USP44: variants seen among roughly 807,000 people sequenced by gnomAD.
USP44 encodes ubiquitin carboxyl-terminal hydrolase 44.
Under a neutral mutation model 69.0 loss-of-function variants are expected in USP44, and 61 were observed. That is an observed-to-expected ratio of 0.88 (90% CI 0.72 to 1.09). USP44 has a LOEUF of 1.09. Among genes scored for constraint, USP44 ranks in the 50% least tolerant of loss-of-function variants. USP44 has a pLI of 0.00. For synonymous variants in USP44, 297 were observed against 295.4 expected (o/e 1.01, Z -0.06); for missense variants, 753 against 849.9 (o/e 0.89, Z 1.42).
In USP44 at chr12:95,538,885, C is replaced by G. The variant is rs1047192885; in HGVS notation, c.-70-4559G>C. 2.0e-5 allele frequency among the ~76,000 whole-genome samples: 3 copies of G among 152,236 alleles called. No individual in the cohort carries two copies. In the East Asian group the frequency reaches 5.8e-4, roughly 29 times the overall value. ...ATATTCCTCTACTGGGTTCAGAGCA[C>G]CTCTTTTCATTTGCTAATCCACCGC... On this transcript the variant is annotated intron_variant, in intron 1 of 5. Coordinates refer to ENST00000258499, the MANE Select transcript of USP44 (RefSeq NM_032147.5).
intron 1 of USP44, among the ~76,000 whole-genome samples, chr12:95,549,778 A>G (rs2140411706): frequency 1.3e-5 from 2 of 152,300 alleles, no homozygotes; most frequent in Admixed American, 1.3e-4. Flanking sequence ...GTATGACCTG[A>G]ATAAAGAAAT....
chr12:95,518,239 G>C lies in USP44; in HGVS notation c.2054C>G (p.Ser685Cys), dbSNP rs1031567482. 1.9e-6 allele frequency: 3 copies of C among 1,614,160 alleles called. No individual in the cohort carries two copies. Among genetic ancestry groups the C allele is most frequent in the Admixed American group, 1.7e-5 (1 of 60,020 alleles). Residue 685 changes from serine to cysteine, a missense_variant, in exon 6 of 6, where the codon TCT (serine) becomes TGT (cysteine). Physicochemically the swap from Ser to Cys is moderately radical, Grantham distance 112. Transcript: ENST00000258499. ...YTQRVTENGH[S>C]KLLPPELLLG... ...CAGGAGCTCTGGAGGCAAAAGTTTA[G>C]AATGTCCATTCTCAGTAACTCGTTG...
At chr12:95,538,428 G>A (rs141936807) in intron 1 of USP44, among the ~76,000 whole-genome samples, 1 of 151,756 alleles carries the variant, frequency 6.6e-6, no homozygotes, top group East Asian at 1.9e-4. Context: ...TTTTAGCCAG[G>A]GATTCCTTCT....
In USP44 at chr12:95,548,367, C is replaced by T. The variant is rs2077643437; in HGVS notation, c.-71+2905G>A. ...CCCGCGCCCACCTCTCCACGACGCT[C>T]GTGCCGGGATCAGCGCGAAGCCCCT... On this transcript the variant is annotated intron_variant, in intron 1 of 5. Transcript: ENST00000258499. This position sits in a 1 kb window ranked among gnomAD's most constrained non-coding sequence, Gnocchi z 4.1. The T allele has an allele frequency of 1.3e-5, 2 of 152,722 alleles. No individual in the cohort carries two copies. Among genetic ancestry groups the T allele is most frequent in the African/African-American group, 2.4e-5 (1 of 41,460 alleles). 9.5% of individuals were successfully genotyped at this position (152,722 alleles called of 1,614,324 possible).
Position 95,541,794 on chromosome 12 carries a change from CTAACTTCCAG to C in USP44, c.-70-7478_-70-7469del, listed in dbSNP as rs2077398105. Among the ~76,000 whole-genome samples the C allele has an allele frequency of 2.6e-5, 4 of 152,086 alleles. 1 individual carries two copies. In the South Asian group the frequency reaches 8.3e-4, roughly 32 times the overall value. ...CACGCCAGCCAAAAGTCAGCCCCAG[CTAACTTCCAG>C]AACTCATCTTCATCCTCCAAGGTCC... is the stretch of plus-strand genomic sequence containing the variant. On this transcript the variant is annotated intron_variant, in intron 1 of 5. Transcript: ENST00000258499.
chr12:95,518,513 T>C (rs1332934948), intron 5 of USP44, among the ~76,000 whole-genome samples, 160 bp from the exon 6 acceptor site: 1 of 152,252 alleles, frequency 6.6e-6, no homozygotes, highest in Non-Finnish European at 1.5e-5. Context: ...CCTGGAATTA[T>C]CTACCTTTAT....
rs2077087043 is a variant in USP44, at chr12:95,533,360, T to C, written c.897A>G (p.Gln299=). 1.2e-6 allele frequency: 2 copies of C among 1,613,180 alleles called. No homozygotes were observed. Among genetic ancestry groups the C allele is most frequent in the African/African-American group, 1.3e-5 (1 of 74,880 alleles). The change falls in exon 2 of 6, where the codon CAA becomes CAG. Residue 299 remains glutamine (Q), a synonymous_variant. Transcript: ENST00000258499. ...GGTTCAGATCAAGCTTTAAAAAACA[T>C]TGTCGAAAAATAAGTAAATGACTCA... ...QVLSHLLIFR[Q]CFLKLDLNQW...
In USP44 at chr12:95,548,660, G is replaced by C. The variant is rs138241697; in HGVS notation, c.-71+2612C>G. ...GACCCCCCAGCGCCCTGCGCGGCGA[G>C]AATAGGCCCCCAGGTGCCTCCCGGC... On this transcript the variant is annotated intron_variant, in intron 1 of 5. Transcript: ENST00000258499. This position sits in a 1 kb window ranked among gnomAD's most constrained non-coding sequence, Gnocchi z 4.1. 1.3e-5 allele frequency: 2 copies of C among 152,154 alleles called. No individual in the cohort carries two copies. 9.4% of individuals were successfully genotyped at this position (152,154 alleles called of 1,614,324 possible).
At chr12:95,532,178 T>TC (rs1195443290) in intron 2 of USP44, among the ~76,000 whole-genome samples, 6 of 148,926 alleles carry the variant, frequency 4.0e-5, no homozygotes, top group Admixed American at 1.3e-4. Flanking sequence ...TTTTTTTTTT[T>TC]TTTTTTTGAG....
chr12:95,534,494 T>A (rs184172911), intron 1 of USP44, among the ~76,000 whole-genome samples, 168 bp from the exon 2 acceptor site: 7 of 152,268 alleles, frequency 4.6e-5, no homozygotes, highest in Admixed American at 1.3e-4. Context: ...TAACCTCACA[T>A]CCACCTTGCT....
At position 95,534,247 on chromosome 12, in the gene USP44, T is replaced by C; in HGVS notation, c.10A>G (p.Met4Val). 6.2e-7 allele frequency: 1 copy of C among 1,607,854 alleles called. No individual in the cohort carries two copies. The highest frequency in any genetic ancestry group is 8.5e-7 in the Non-Finnish European group (1 of 1,175,700). The change falls in exon 2 of 6, where the codon ATG (methionine) becomes GTG (valine). Residue 4 changes from methionine (M) to valine (V), a missense_variant. Transcript: ENST00000258499. MLAMDTCKHVGQLQ... is the reference protein window; with the variant it reads MLAVDTCKHVGQLQ... ...TGCCCAACATGTTTGCACGTATCCA[T>C]TGCTAGCATTTATTTAGTCTAGCTG...
intron 1 of USP44, among the ~76,000 whole-genome samples, chr12:95,549,088 C>T (rs555520584): frequency 1.8e-4 from 27 of 152,342 alleles, no homozygotes; most frequent in Non-Finnish European, 3.4e-4. Context: ...GTAAACCCAG[C>T]GTGTCCTGTG....
rs372247671 is a variant in USP44, at chr12:95,518,308, A to G, written c.1985T>C (p.Met662Thr). Residue 662 changes from methionine to threonine, a missense_variant, in exon 6 of 6, where the codon ATG becomes ACG. By Grantham distance (81) the Met-to-Thr change is moderately conservative. Transcript: ENST00000258499. ...AGCTTGAGCCTTGCATACTTCATCC[A>G]TAGTGCACATGCTTAGTTTGGAATC... is the stretch of plus-strand genomic sequence containing the variant. Reference protein sequence around the residue: ...CNDSKLSMCTMDEVCKAQAYI... With the variant: ...CNDSKLSMCTTDEVCKAQAYI... The G allele has an allele frequency of 1.1e-5, 18 of 1,614,094 alleles. No homozygotes were observed. The highest frequency in any genetic ancestry group is 8.9e-5 in the East Asian group (4 of 44,884).
chr12:95,544,807 C>G (rs2077519906), intron 1 of USP44, among the ~76,000 whole-genome samples: 1 of 151,902 alleles, frequency 6.6e-6, no homozygotes, highest in Non-Finnish European at 1.5e-5. Context: ...TAAGAAGCTT[C>G]CCCCCGCCAT....
chr12:95,523,688 C>CCAAAAAAAAAA (rs2076738987), intron 4 of USP44, among the ~76,000 whole-genome samples: 1 of 87,214 alleles, frequency 1.1e-5, no homozygotes, highest in Non-Finnish European at 2.4e-5. Context: ...CCTGTCTCTA[C>CCAAAAAAAAAA]CAAAAAAAAA....
chr12:95,531,111 C>A (rs1177937389), intron 2 of USP44, among the ~76,000 whole-genome samples: 3 of 151,932 alleles, frequency 2.0e-5, no homozygotes, highest in African/African-American at 7.3e-5. Flanking sequence ...TTGCAGTGAG[C>A]CGAGATCGCG....
intron 1 of USP44, among the ~76,000 whole-genome samples, chr12:95,535,030 A>G (rs1434745133): frequency 1.3e-5 from 2 of 152,160 alleles, no homozygotes; most frequent in African/African-American, 2.4e-5. Context: ...TCTCACTAAT[A>G]TTTATAAACA....
chr12:95,549,576 AGTT>A (rs1469245731), intron 1 of USP44, among the ~76,000 whole-genome samples: 1 of 152,214 alleles, frequency 6.6e-6, no homozygotes, highest in Non-Finnish European at 1.5e-5. Flanking sequence ...ATGACAAAGC[AGTT>A]CTACTTTGGC....
rs1166405214 is a variant in USP44 at position 95,533,790 on chromosome 12, A to ATCC, written c.464_466dup (p.Arg155dup). 1.2e-6 allele frequency: 2 copies of ATCC among 1,614,090 alleles called. No homozygotes were observed. Among genetic ancestry groups the ATCC allele is most frequent in the South Asian group, 2.2e-5 (2 of 91,084 alleles). On this transcript the variant is annotated inframe_insertion, in exon 2 of 6. Coordinates refer to ENST00000258499, the MANE Select transcript of USP44 (RefSeq NM_032147.5). ...TGTTCGAAAGATTTTACCCATTAGT[A>ATCC]TCCTTCTCCTGTGCCAAAGAGCAGT... is the stretch of plus-strand genomic sequence containing the variant.
Sources: gnomAD v4.1 joint callset for allele counts (sites outside exome capture counted in the v4.1 genomes callset) on GRCh38, gnomAD v4.1.1 for gene constraint, Gnocchi (gnomAD v3.1) non-coding constraint, MANE v1.5 for transcripts, NCBI Gene and HGNC (gene_info 2026-07-23, HGNC 2026-07-21) for gene names.